Variants in JOSD1 observed in about 807,000 individuals in gnomAD.
The protein encoded by JOSD1 is Josephin domain containing 1, also known as josephin-1.
A neutral mutation model predicts 24.3 loss-of-function variants in JOSD1; 11 were observed. The observed-to-expected ratio is 0.45, with a 90% CI of 0.29 to 0.75. The LOEUF (loss-of-function observed/expected upper bound fraction) is 0.75, where lower values mean the gene tolerates loss of function less well. Among genes scored for constraint, JOSD1 ranks in the 30% least tolerant of loss-of-function variants. The pLI is 0.11. For synonymous variants in JOSD1, 106 were observed against 93.8 expected, an observed-to-expected ratio of 1.13 and a Z score of -0.75; for missense variants, 184 against 253.5, an observed-to-expected ratio of 0.73 and a Z score of 1.86.
At chr22:38,694,609 T>A (rs1055852080) in intron 2 of JOSD1, among the ~76,000 whole-genome samples, 9 of 152,008 alleles carry the variant, frequency 5.9e-5, no homozygotes, top group Admixed American at 2.6e-4. Flanking sequence ...AGGCCTGTAA[T>A]CCCAGCACTC....
rs765266202 is a variant in JOSD1, at chr22:38,689,410, G to T, written c.200C>A (p.Thr67Asn). 2.5e-6 allele frequency: 4 copies of T among 1,614,092 alleles called. No individual in the cohort carries two copies. The Admixed American group carries it at 5.0e-5, about 20-fold the overall frequency. The change falls in exon 3 of 5, where the codon ACC becomes AAC. Residue 67 changes from threonine to asparagine, a missense_variant. Thr to Asn is a moderately conservative substitution (Grantham distance 65). Coordinates refer to ENST00000683374, the MANE Select transcript of JOSD1 (RefSeq NM_001360236.2). ...QEIFQRLSPN[T>N]MVTPHKKSML... ...GCTCTTCTTGTGAGGTGTCACCATGGTGTTTGGAGACAACCTACCAATGTG... is the reference window on the plus strand; with the variant it reads ...GCTCTTCTTGTGAGGTGTCACCATGTTGTTTGGAGACAACCTACCAATGTG...
At chr22:38,699,569 G>C (rs954892190) in intron 2 of JOSD1, among the ~76,000 whole-genome samples, 3 of 152,210 alleles carry the variant, frequency 2.0e-5, no homozygotes, top group African/African-American at 7.2e-5. Flanking sequence ...TATTCCACGG[G>C]ACTGTTGAAG....
intron 2 of JOSD1, among the ~76,000 whole-genome samples, chr22:38,694,655 G>T (rs1898920309): frequency 6.6e-6 from 1 of 151,994 alleles, no homozygotes; most frequent in Non-Finnish European, 1.5e-5. Flanking sequence ...GAGGTCAGAA[G>T]ATCGAGACCA....
intron 2 of JOSD1, among the ~76,000 whole-genome samples, chr22:38,696,417 T>A (rs1454562616): frequency 1.3e-5 from 2 of 152,058 alleles, no homozygotes; most frequent in South Asian, 2.1e-4. Context: ...TTGTTTTTTT[T>A]AATAGAGACA....
Position 38,699,813 on chromosome 22 carries a change from T to C in JOSD1, c.175A>G (p.Ile59Val), listed in dbSNP as rs2092560327. Residue 59 changes from isoleucine to valine, a missense_variant, in exon 2 of 5, where the codon ATT (isoleucine) becomes GTT (valine). Ile to Val is a conservative substitution (Grantham distance 29). Transcript: ENST00000683374. ...NAFTRDTLQE[I>V]FQRLSPNTMV... The stretch of plus-strand genomic sequence containing the variant: ...AGAAGGGTCCCCTACCTCTGGAAAA[T>C]CTCTTGCAGCGTATCCCGGGTGAAG... 3.7e-6 allele frequency: 6 copies of C among 1,614,032 alleles called. No homozygotes were observed. Among genetic ancestry groups the C allele is most frequent in the Non-Finnish European group, 5.1e-6 (6 of 1,180,008 alleles).
At chr22:38,696,339 G>C (rs907859171) in intron 2 of JOSD1, among the ~76,000 whole-genome samples, 4 of 151,504 alleles carry the variant, frequency 2.6e-5, no homozygotes, top group African/African-American at 9.7e-5. Flanking sequence ...CTGGGTTCAA[G>C]TGATTCTCCT....
rs771168580 is a variant in JOSD1, at chr22:38,689,108, G to A, written c.336C>T (p.Leu112=). 6.2e-7 allele frequency: 1 copy of A among 1,613,890 alleles called. No homozygotes were observed. Among genetic ancestry groups the A allele is most frequent in the South Asian group, 1.1e-5 (1 of 91,080 alleles). ...DKRRDVGVIA[L]TNVMGFIMNL... ...TCATGATGAAGCCCATGACGTTAGT[G>A]AGGGCAATGACACCGACATCCCTGC... is the stretch of plus-strand genomic sequence containing the variant. Residue 112 remains leucine, a synonymous_variant, in exon 4 of 5, where the codon CTC becomes CTT. Coordinates refer to ENST00000683374, the MANE Select transcript of JOSD1 (RefSeq NM_001360236.2).
At chr22:38,690,397 AT>A (rs969491846) in intron 2 of JOSD1, among the ~76,000 whole-genome samples, 26 of 151,724 alleles carry the variant, frequency 1.7e-4, no homozygotes, top group East Asian at 1.9e-4. Context: ...AAATACTGGT[AT>A]TTTTTTTCTT....
intron 2 of JOSD1, among the ~76,000 whole-genome samples, chr22:38,693,577 C>G (rs1401405762): frequency 2.0e-5 from 3 of 152,186 alleles, no homozygotes; most frequent in Non-Finnish European, 4.4e-5. Context: ...ACTTTAGGCA[C>G]CATGATCATA....
chr22:38,688,663 T>C (rs1206507666), intron 4 of JOSD1, among the ~76,000 whole-genome samples: 5 of 152,190 alleles, frequency 3.3e-5, no homozygotes, highest in Admixed American at 1.3e-4. Flanking sequence ...GTCTCAGTTG[T>C]CTTAAATAGA....
chr22:38,696,086 G>C (rs928678214), intron 2 of JOSD1, among the ~76,000 whole-genome samples: 3 of 152,084 alleles, frequency 2.0e-5, no homozygotes, highest in Non-Finnish European at 4.4e-5. Flanking sequence ...ATTTGGGAGA[G>C]GAATGCAGAA....
In JOSD1 at chr22:38,687,614, A is replaced by C; in HGVS notation, c.*288T>G. The C allele has an allele frequency of 2.6e-6, 1 of 381,316 alleles. No individual in the cohort carries two copies. Among genetic ancestry groups the C allele is most frequent in the Non-Finnish European group, 4.7e-6 (1 of 212,516 alleles). 23.6% of individuals were successfully genotyped at this position (381,316 alleles called of 1,614,324 possible). A position where few individuals can be genotyped will look rare whatever the true frequency, so the allele number is the denominator to read the frequency against. On this transcript the variant is annotated 3_prime_UTR_variant, in exon 5 of 5. Coordinates refer to ENST00000683374, the MANE Select transcript of JOSD1 (RefSeq NM_001360236.2). ...AAGTCCTCATAGAAAAGGGAAAATA[A>C]GCTAGGATTCCCTCCCCGCTCCACT...
In JOSD1 at chr22:38,700,470, C is replaced by A. The variant is rs1016515188; in HGVS notation, c.-483G>T. On this transcript the variant is annotated 5_prime_UTR_variant, in exon 2 of 5. Transcript: ENST00000683374. ...CTGGGTGACGGATAAATTTAGCGCA[C>A]GAGTCGAGTAGCTAGCGCGGGCCGG... The A allele has an allele frequency of 1.0e-6, 1 of 986,460 alleles. No homozygotes were observed. The highest frequency in any genetic ancestry group is 1.1e-4 in the East Asian group (1 of 8,810). The allele number at this position is 986,460 out of a possible 1,614,324, so 61.1% of individuals were successfully genotyped here. A position where few individuals can be genotyped will look rare whatever the true frequency, so the allele number is the denominator to read the frequency against.
rs2092502230 is a variant in JOSD1, at chr22:38,687,285, TCCA to T, written c.*614_*616del. The T allele has an allele frequency of 6.6e-6, 1 of 152,588 alleles. No homozygotes were observed. The highest frequency in any genetic ancestry group is 2.4e-5 in the African/African-American group (1 of 41,426). 9.5% of individuals were successfully genotyped at this position (152,588 alleles called of 1,614,324 possible). On this transcript the variant is annotated 3_prime_UTR_variant, in exon 5 of 5. Transcript: ENST00000683374. ...GTGAGCCGAGATGGTGCCATTGCAC[TCCA>T]GCCTGGGCAACAAGAGTGAAACTCA...
chr22:38,693,171 A>G (rs1349851405), intron 2 of JOSD1, among the ~76,000 whole-genome samples: 4 of 152,196 alleles, frequency 2.6e-5, no homozygotes, highest in Non-Finnish European at 4.4e-5. Context: ...AGGAAAGGGG[A>G]TTATAAAATA....
intron 2 of JOSD1, among the ~76,000 whole-genome samples, chr22:38,690,527 C>CA (rs1207447040): frequency 6.6e-6 from 1 of 151,924 alleles, no homozygotes; most frequent in Non-Finnish European, 1.5e-5. Flanking sequence ...CTTAGCCTCC[C>CA]AAGTAGCTGG....
At chr22:38,691,727 G>A (rs111461593) in intron 2 of JOSD1, among the ~76,000 whole-genome samples, 216 of 152,194 alleles carry the variant, frequency 1.4e-3, no homozygotes, top group Non-Finnish European at 2.7e-3. Flanking sequence ...GGAGTGCAAT[G>A]GAGTGATCTC....
At chr22:38,698,601 C>T (rs896702386) in intron 2 of JOSD1, among the ~76,000 whole-genome samples, 2 of 152,148 alleles carry the variant, frequency 1.3e-5, no homozygotes, top group African/African-American at 2.4e-5. Context: ...GCGAGGACTG[C>T]GCGGGCCTAA....
intron 2 of JOSD1, among the ~76,000 whole-genome samples, chr22:38,690,352 A>G (rs1208388022): frequency 6.6e-6 from 1 of 152,060 alleles, no homozygotes; most frequent in Non-Finnish European, 1.5e-5. Flanking sequence ...AACTTAAGAA[A>G]TCTTGTATTT....
Sources: gnomAD v4.1 joint callset for allele counts (sites outside exome capture counted in the v4.1 genomes callset) on GRCh38, gnomAD v4.1.1 for gene constraint, MANE v1.5 for transcripts, NCBI Gene and HGNC (gene_info 2026-07-23, HGNC 2026-07-21) for gene names.